The following DSCAM variants were observed in gnomAD, a reference collection of about 807,000 sequenced individuals.
The protein encoded by DSCAM is DS cell adhesion molecule.
Under a neutral mutation model 217.7 loss-of-function variants are expected in DSCAM, and 47 were observed. That is an observed-to-expected ratio of 0.22 (90% confidence interval 0.17 to 0.28). The LOEUF (loss-of-function observed/expected upper bound fraction) is 0.28, where lower values mean the gene tolerates loss of function less well. DSCAM is among the 10% of genes least tolerant of loss of function. The pLI, the probability that DSCAM is intolerant of heterozygous loss-of-function variation, is 1.00. For missense variants in DSCAM, 2,080 were observed against 2,618.3 expected, an observed-to-expected ratio of 0.79 and a Z score of 4.49; for synonymous variants, 1,056 against 1,015.3, an observed-to-expected ratio of 1.04 and a Z score of -0.76.
At chr21:40,567,891 TA>T (rs1157025213) in intron 3 of DSCAM, among the ~76,000 whole-genome samples, 1 of 152,226 alleles carries the variant, frequency 6.6e-6, no homozygotes, top group Non-Finnish European at 1.5e-5. Flanking sequence ...TTCCTTTCTA[TA>T]AGAATTTATT....
At chr21:40,325,438 A>C (rs990037889) in intron 8 of DSCAM, among the ~76,000 whole-genome samples, 1 of 152,242 alleles carries the variant, frequency 6.6e-6, no homozygotes, top group Non-Finnish European at 1.5e-5. Context: ...ACAGAAAAAA[A>C]TAGGAATGCA....
chr21:40,439,003 T>G (rs1031667689), intron 3 of DSCAM, among the ~76,000 whole-genome samples: 4 of 152,192 alleles, frequency 2.6e-5, no homozygotes, highest in Admixed American at 2.6e-4. Flanking sequence ...TGAGGTATCA[T>G]AAAGTAGAAG....
chr21:40,565,842 G>C (rs779548522), intron 3 of DSCAM, among the ~76,000 whole-genome samples: 26 of 152,136 alleles, frequency 1.7e-4, no homozygotes, highest in Non-Finnish European at 3.7e-4. Flanking sequence ...CAGAGTCCCA[G>C]TTTATTTTGT....
At chr21:40,087,121 T>G in intron 22 of DSCAM, 49 bp downstream of exon 22, 1 of 1,347,236 alleles carries the variant, frequency 7.4e-7, no homozygotes, top group Non-Finnish European at 1.1e-6. Flanking sequence ...GTATGTCAGA[T>G]GTAATCTCTT....
At chr21:40,063,981 A>G (rs2089167093) in intron 27 of DSCAM, among the ~76,000 whole-genome samples, 1 of 152,136 alleles carries the variant, frequency 6.6e-6, no homozygotes. Flanking sequence ...CAGGGCCCAT[A>G]TACTCCACCC....
chr21:40,123,772 TGGGAGGGAAGGA>T, intron 20 of DSCAM, among the ~76,000 whole-genome samples: 1 of 27,310 alleles, frequency 3.7e-5, no homozygotes, highest in Non-Finnish European at 7.1e-5. Flanking sequence ...AGGGATAGGG[TGGGAGGGAAGGA>T]AGGAGGGAGG....
Position 40,782,536 on chromosome 21 carries a change from T to G in DSCAM, c.43+64083A>C, listed in dbSNP as rs112845626. ...TGAGCCCAGAAGTTTGAGACTAGTC[T>G]GGGCAATGCGGTGAAGTCCCATCTC... On this transcript the variant is annotated intron_variant, in intron 1 of 32. Coordinates refer to ENST00000400454, the MANE Select transcript of DSCAM (RefSeq NM_001389.5). 5.2e-3 allele frequency among the ~76,000 whole-genome samples: 795 copies of G among 152,172 alleles called. 11 individuals are homozygous for G. Among genetic ancestry groups the G allele is most frequent in the African/African-American group, 0.018 (730 of 41,512 alleles).
intron 1 of DSCAM, among the ~76,000 whole-genome samples, chr21:40,801,583 G>A (rs1417181740): frequency 6.6e-6 from 1 of 152,106 alleles, no homozygotes; most frequent in East Asian, 1.9e-4. Context: ...CTAGACCAAG[G>A]GCACCCTCCA....
intron 11 of DSCAM, among the ~76,000 whole-genome samples, chr21:40,218,117 T>A (rs2091259794): frequency 6.6e-6 from 1 of 152,048 alleles, no homozygotes; most frequent in African/African-American, 2.4e-5. Flanking sequence ...TCTTCCAGGG[T>A]TTTTATGGTT....
At position 40,205,412 on chromosome 21, in the gene DSCAM, G is replaced by A. The variant is rs544543701; in HGVS notation, c.2357-16174C>T. ...GAGGTCAGGAGTTCGAGACCAGACC[G>A]GCCAACATGGCAAAACCCCATCTCT... is the stretch of plus-strand genomic sequence containing the variant. On this transcript the variant is annotated intron_variant, in intron 11 of 32. Coordinates refer to ENST00000400454, the MANE Select transcript of DSCAM (RefSeq NM_001389.5). Among the ~76,000 whole-genome samples, 6 of 152,152 alleles carry A rather than the reference G, an allele frequency of 3.9e-5. No individual in the cohort carries two copies. The South Asian group carries it at 6.2e-4, about 16-fold the overall frequency.
intron 32 of DSCAM, among the ~76,000 whole-genome samples, chr21:40,028,459 C>T (rs1399122036): frequency 1.3e-5 from 2 of 151,910 alleles, no homozygotes; most frequent in East Asian, 3.9e-4. Flanking sequence ...TGGCTGCCAC[C>T]TTGCAGTTTG....
intron 3 of DSCAM, among the ~76,000 whole-genome samples, chr21:40,534,813 T>A (rs1298226473): frequency 6.6e-6 from 1 of 152,226 alleles, no homozygotes; most frequent in Non-Finnish European, 1.5e-5. Context: ...TAATCTATTA[T>A]CAATTATCCT....
At chr21:40,297,839 G>A (rs2073971737) in intron 9 of DSCAM, among the ~76,000 whole-genome samples, 1 of 152,176 alleles carries the variant, frequency 6.6e-6, no homozygotes, top group African/African-American at 2.4e-5. Flanking sequence ...ATAAAGCCAA[G>A]TGTTAAACAC....
chr21:40,313,712 A>T (rs1028335598), intron 8 of DSCAM, among the ~76,000 whole-genome samples: 5 of 152,158 alleles, frequency 3.3e-5, no homozygotes, highest in African/African-American at 1.2e-4. Flanking sequence ...GGAGGGCTTA[A>T]ATCATGTCAA....
intron 11 of DSCAM, among the ~76,000 whole-genome samples, chr21:40,216,591 G>A (rs562099527): frequency 2.0e-5 from 3 of 152,316 alleles, no homozygotes; most frequent in Non-Finnish European, 2.9e-5. Flanking sequence ...AAACCAAAGT[G>A]AGAACTGTGA....
At chr21:40,162,885 G>T (rs1314333513) in intron 16 of DSCAM, among the ~76,000 whole-genome samples, 1 of 151,990 alleles carries the variant, frequency 6.6e-6, no homozygotes, top group African/African-American at 2.4e-5. Context: ...TTCATATTTT[G>T]GGGACAGCCT....
chr21:40,392,034 A>G (rs1569101343), intron 3 of DSCAM, among the ~76,000 whole-genome samples: 1 of 152,216 alleles, frequency 6.6e-6, no homozygotes, highest in Non-Finnish European at 1.5e-5. Context: ...TTCATAAGGT[A>G]GTTGCCTTGA....
chr21:40,541,464 C>T (rs945801100), intron 3 of DSCAM, among the ~76,000 whole-genome samples: 2 of 152,290 alleles, frequency 1.3e-5, no homozygotes, highest in African/African-American at 4.8e-5. Flanking sequence ...AAACATAATG[C>T]TCTTCATAAA....
At chr21:40,318,462 G>A (rs1271703666) in intron 8 of DSCAM, among the ~76,000 whole-genome samples, 2 of 152,138 alleles carry the variant, frequency 1.3e-5, no homozygotes, top group Non-Finnish European at 2.9e-5. Flanking sequence ...AGGGGCCGAG[G>A]ACTTCTAACT....
Sources: allele counts gnomAD v4.1 joint callset (sites outside exome capture counted in the v4.1 genomes callset), GRCh38; gene constraint gnomAD v4.1.1; transcripts MANE v1.5; gene names NCBI Gene and HGNC (gene_info 2026-07-23, HGNC 2026-07-21).